Variants in FGF1 observed in about 807,000 individuals in gnomAD.
The protein encoded by FGF1 is fibroblast growth factor 1, also known as beta-endothelial cell growth factor.
A neutral mutation model predicts 13.4 loss-of-function variants in FGF1; 9 were observed. The observed-to-expected ratio is 0.67, with a 90% confidence interval of 0.40 to 1.17. FGF1 has a LOEUF of 1.17. Ranked by LOEUF, FGF1 falls within the 50% of genes most tolerant of loss-of-function variation. The pLI, the probability that FGF1 is intolerant of heterozygous loss-of-function variation, is 0.01. For synonymous variants in FGF1, 93 were observed against 79.0 expected, an observed-to-expected ratio of 1.18 and a Z score of -0.94; for missense variants, 156 against 192.7, an observed-to-expected ratio of 0.81 and a Z score of 1.13.
At chr5:142,642,116 T>C (rs1765297476) in intron 1 of FGF1, among the ~76,000 whole-genome samples, 1 of 152,228 alleles carries the variant, frequency 6.6e-6, no homozygotes. Context: ...AAGAGAACCC[T>C]CTTCTAGGAG....
At chr5:142,654,675 G>A (rs113850198) in intron 1 of FGF1, among the ~76,000 whole-genome samples, 3,053 of 152,294 alleles carry the variant, frequency 0.02, 101 homozygotes, top group African/African-American at 0.069. Flanking sequence ...ACATTGCCTG[G>A]CTCTTCCACC....
intron 1 of FGF1, among the ~76,000 whole-genome samples, chr5:142,672,783 A>T (rs1174746441): frequency 2.0e-5 from 3 of 152,036 alleles, no homozygotes; most frequent in African/African-American, 7.2e-5. Flanking sequence ...GGGATTACAG[A>T]TGTGAGCCAC....
chr5:142,633,535 A>G (rs1763709657), intron 1 of FGF1, among the ~76,000 whole-genome samples: 1 of 152,218 alleles, frequency 6.6e-6, no homozygotes, highest in African/African-American at 2.4e-5. Flanking sequence ...TCCTCTGAAG[A>G]CATACAGTAG....
At chr5:142,611,604 G>A (rs903216353) in intron 2 of FGF1, among the ~76,000 whole-genome samples, 5 of 152,138 alleles carry the variant, frequency 3.3e-5, no homozygotes, top group South Asian at 2.1e-4. Flanking sequence ...GCTTGAACTC[G>A]AGCCTGCTGA....
intron 2 of FGF1, among the ~76,000 whole-genome samples, chr5:142,691,430 TAA>T (rs1366895392): frequency 1.4e-5 from 1 of 70,080 alleles, no homozygotes; most frequent in Non-Finnish European, 3.4e-5. Context: ...TCAAATAAAA[TAA>T]AATAAAATAA....
chr5:142,662,997 T>G (rs1240836622), intron 1 of FGF1, among the ~76,000 whole-genome samples: 1 of 152,050 alleles, frequency 6.6e-6, no homozygotes, highest in African/African-American at 2.4e-5. Context: ...ATACATTTTT[T>G]TGTAGTTGTA....
intron 3 of FGF1, among the ~76,000 whole-genome samples, chr5:142,597,000 A>G (rs1415469079): frequency 1.3e-5 from 2 of 152,216 alleles, no homozygotes; most frequent in East Asian, 1.9e-4. Flanking sequence ...CTATGAAAAC[A>G]TTCAATACTG....
At chr5:142,614,506 C>T (rs981721502) in intron 1 of FGF1, among the ~76,000 whole-genome samples, 2 of 152,184 alleles carry the variant, frequency 1.3e-5, no homozygotes, top group Admixed American at 1.3e-4. Context: ...TCAAATTAAA[C>T]ACCAAAGTTG....
In FGF1 at chr5:142,598,256, GTC is replaced by G. The variant is rs536025489; in HGVS notation, c.273+2444_273+2445del. On this transcript the variant is annotated intron_variant, in intron 3 of 3. Transcript: ENST00000337706. ...AGGATGGCCACATTCCCCACCTGAT[GTC>G]TCTATTATACTGGAGGAGTTGACAC... Among the ~76,000 whole-genome samples the G allele has an allele frequency of 5.3e-5, 8 of 152,258 alleles. 1 individual carries two copies. Among genetic ancestry groups the G allele is most frequent in the Admixed American group, 3.9e-4 (6 of 15,296 alleles).
At chr5:142,678,617 GC>G (rs1334541633) in intron 1 of FGF1, among the ~76,000 whole-genome samples, 1 of 152,148 alleles carries the variant, frequency 6.6e-6, no homozygotes, top group Non-Finnish European at 1.5e-5. Context: ...CATGGGCTCT[GC>G]CTGGACTAAT....
At chr5:142,673,916 A>C (rs145735114) in intron 1 of FGF1, among the ~76,000 whole-genome samples, 1 of 152,302 alleles carries the variant, frequency 6.6e-6, no homozygotes, top group African/African-American at 2.4e-5. Flanking sequence ...AGGGCCCTGC[A>C]TGAGGTCTTT....
intron 2 of FGF1, among the ~76,000 whole-genome samples, chr5:142,608,579 T>TAC (rs1758312990): frequency 1.3e-5 from 1 of 77,326 alleles, no homozygotes; most frequent in Non-Finnish European, 2.3e-5. Flanking sequence ...TATATATATA[T>TAC]ATATACACAC....
At chr5:142,601,847 A>G (rs1470125798) in intron 2 of FGF1, among the ~76,000 whole-genome samples, 1 of 152,190 alleles carries the variant, frequency 6.6e-6, no homozygotes, top group South Asian at 2.1e-4. Context: ...TTGGAATCCA[A>G]TGTCCATTTG....
rs776767378 is a variant in FGF1, at chr5:142,613,954, C to T, written c.169+5G>A. ...GGAAGGGGGGTGCCATAGAGATGGG[C>T]TTACTGTGCTGGTCGCTCCTGTCCC... On this transcript the variant is annotated splice_donor_5th_base_variant and intron_variant, in intron 2 of 3. Transcript: ENST00000337706. The T allele has an allele frequency of 1.2e-6, 2 of 1,613,246 alleles. No homozygotes were observed. Among genetic ancestry groups the T allele is most frequent in the African/African-American group, 1.3e-5 (1 of 74,920 alleles).
chr5:142,636,022 G>C (rs1484324149), intron 1 of FGF1, among the ~76,000 whole-genome samples: 9 of 151,960 alleles, frequency 5.9e-5, no homozygotes, highest in Non-Finnish European at 5.9e-5. Context: ...TTGAATTACT[G>C]TTTGTTGCTG....
intron 1 of FGF1, among the ~76,000 whole-genome samples, chr5:142,650,352 A>G (rs1767005257): frequency 1.3e-5 from 2 of 152,226 alleles, no homozygotes; most frequent in South Asian, 4.1e-4. Flanking sequence ...CAAGGTGAAC[A>G]TGGTAGTTTA....
At chr5:142,678,741 C>G (rs1014360346) in intron 1 of FGF1, among the ~76,000 whole-genome samples, 4 of 152,330 alleles carry the variant, frequency 2.6e-5, no homozygotes, top group South Asian at 2.1e-4. Context: ...TTTATAAGAC[C>G]TTTCTGTGTC....
intron 3 of FGF1, among the ~76,000 whole-genome samples, chr5:142,599,686 G>C (rs1239529313): frequency 6.6e-6 from 1 of 152,108 alleles, no homozygotes; most frequent in Non-Finnish European, 1.5e-5. Flanking sequence ...ATACCAATAG[G>C]GGCAAAATCA....
chr5:142,675,350 G>A (rs898176249), intron 1 of FGF1, among the ~76,000 whole-genome samples: 3 of 152,050 alleles, frequency 2.0e-5, no homozygotes, highest in African/African-American at 2.4e-5. Context: ...GGGGAGTGTG[G>A]GGGCTGCCAG....
Sources: gnomAD v4.1 joint callset for allele counts (sites outside exome capture counted in the v4.1 genomes callset) on GRCh38, gnomAD v4.1.1 for gene constraint, MANE v1.5 for transcripts, NCBI Gene and HGNC (gene_info 2026-07-23, HGNC 2026-07-21) for gene names.